Variants in CNTNAP5 observed in about 807,000 individuals in gnomAD.
CNTNAP5 encodes the protein contactin-associated protein-like 5.
In CNTNAP5, 72 loss-of-function variants were observed where a neutral mutation model predicts 150.2. The observed-to-expected ratio is 0.48, with a 90% CI of 0.40 to 0.58. The LOEUF is 0.58. CNTNAP5 is among the 20% of genes least tolerant of loss of function. CNTNAP5 has a pLI of 0.00. For missense variants in CNTNAP5, 1,636 were observed against 1,626.2 expected (o/e 1.01, Z -0.10); for synonymous variants, 672 against 619.8 (o/e 1.08, Z -1.25).
chr2:124,240,327 CT>C (rs1435670843), intron 2 of CNTNAP5, among the ~76,000 whole-genome samples: 3 of 152,138 alleles, frequency 2.0e-5, no homozygotes, highest in Non-Finnish European at 4.4e-5. Context: ...TTGTTGTCAG[CT>C]GCATCCATCA....
At chr2:124,110,714 CCACA>C (rs1367088233) in intron 1 of CNTNAP5, among the ~76,000 whole-genome samples, 1 of 152,180 alleles carries the variant, frequency 6.6e-6, no homozygotes, top group Admixed American at 6.5e-5. Context: ...TTTCCGAGGG[CCACA>C]CAACCTGTTG....
At chr2:124,046,302 C>T (rs2104637316) in intron 1 of CNTNAP5, among the ~76,000 whole-genome samples, 1 of 152,246 alleles carries the variant, frequency 6.6e-6, no homozygotes, top group East Asian at 1.9e-4. Flanking sequence ...AAAGTAGGCA[C>T]ATTGCAAACA....
At chr2:124,573,066 A>T (rs1012772185) in intron 11 of CNTNAP5, among the ~76,000 whole-genome samples, 3 of 152,218 alleles carry the variant, frequency 2.0e-5, no homozygotes, top group African/African-American at 7.2e-5. Context: ...AAATGCTTAA[A>T]GCCACAGAAC....
intron 13 of CNTNAP5, among the ~76,000 whole-genome samples, chr2:124,724,175 A>AATAATAATAATAATG (rs539558593): frequency 3.3e-4 from 50 of 149,658 alleles, no homozygotes; most frequent in African/African-American, 1.2e-3. Flanking sequence ...TAATAATAAT[A>AATAATAATAATAATG]ATGATGATAC....
chr2:124,505,480 TA>T lies in CNTNAP5; in HGVS notation c.1327+927del, dbSNP rs546240812. Among the ~76,000 whole-genome samples, 383 of 152,254 alleles carry T rather than the reference TA, an allele frequency of 2.5e-3. 1 individual carries two copies. The highest frequency in any genetic ancestry group is 8.9e-3 in the African/African-American group (369 of 41,542). ...AATATATATGTATACATATATATTT[TA>T]AATGTATTGAGTAAATGCTAGTACA... On this transcript the variant is annotated intron_variant, in intron 8 of 23. Coordinates refer to ENST00000682447, the MANE Select transcript of CNTNAP5 (RefSeq NM_001367498.1).
At chr2:124,125,106 A>G (rs1683657053) in intron 1 of CNTNAP5, among the ~76,000 whole-genome samples, 1 of 152,224 alleles carries the variant, frequency 6.6e-6, no homozygotes, top group Non-Finnish European at 1.5e-5. Context: ...CAATTAAAAG[A>G]CACAGACTGG....
intron 3 of CNTNAP5, among the ~76,000 whole-genome samples, chr2:124,413,960 T>C (rs1691848927): frequency 6.6e-6 from 1 of 151,830 alleles, no homozygotes; most frequent in Admixed American, 6.6e-5. Flanking sequence ...AGACAAAGTA[T>C]TGAGAGATGG....
At chr2:124,859,268 C>G (rs1573667118) in intron 19 of CNTNAP5, among the ~76,000 whole-genome samples, 1 of 150,980 alleles carries the variant, frequency 6.6e-6, no homozygotes, top group African/African-American at 2.4e-5. Context: ...AGACACTTCT[C>G]AAAAGAAGAC....
intron 3 of CNTNAP5, among the ~76,000 whole-genome samples, chr2:124,294,231 C>A (rs1030737371): frequency 1.2e-5 from 1 of 82,904 alleles, no homozygotes; most frequent in Non-Finnish European, 2.5e-5. Flanking sequence ...TTTCTGCGTA[C>A]TAGACACTCT....
At chr2:124,287,432 C>T (rs1231853433) in intron 3 of CNTNAP5, among the ~76,000 whole-genome samples, 1 of 152,176 alleles carries the variant, frequency 6.6e-6, no homozygotes, top group Admixed American at 6.5e-5. Context: ...TGTCAAGCTT[C>T]GTTAATCTCG....
At chr2:124,652,717 C>A (rs976746851) in intron 13 of CNTNAP5, among the ~76,000 whole-genome samples, 5 of 152,138 alleles carry the variant, frequency 3.3e-5, no homozygotes, top group East Asian at 1.9e-4. Context: ...GCCTCCCTAT[C>A]CCACAATTCT....
intron 14 of CNTNAP5, among the ~76,000 whole-genome samples, chr2:124,758,497 T>A (rs1680888519): frequency 6.6e-6 from 1 of 151,744 alleles, no homozygotes; most frequent in South Asian, 2.1e-4. Flanking sequence ...AAATGTAAAA[T>A]GGTGCAACAA....
At chr2:124,446,074 C>G (rs1183504743) in intron 5 of CNTNAP5, among the ~76,000 whole-genome samples, 2 of 151,928 alleles carry the variant, frequency 1.3e-5, no homozygotes, top group African/African-American at 4.8e-5. Flanking sequence ...CAGTATGACC[C>G]GAGCCATGAT....
chr2:124,863,677 G>A (rs376045951), intron 19 of CNTNAP5, among the ~76,000 whole-genome samples: 2 of 152,004 alleles, frequency 1.3e-5, no homozygotes, highest in South Asian at 2.1e-4. Flanking sequence ...CCCTCTCCCC[G>A]CAAAAGTATT....
At chr2:124,467,522 T>C (rs1436114369) in intron 6 of CNTNAP5, among the ~76,000 whole-genome samples, 2 of 152,172 alleles carry the variant, frequency 1.3e-5, no homozygotes, top group African/African-American at 4.8e-5. Flanking sequence ...TTAATTTTTA[T>C]TTTCAAAGTT....
chr2:124,326,644 G>T (rs1689225253), intron 3 of CNTNAP5, among the ~76,000 whole-genome samples: 1 of 152,094 alleles, frequency 6.6e-6, no homozygotes, highest in Non-Finnish European at 1.5e-5. Context: ...AGCATTATAG[G>T]CCAGGCATGA....
intron 2 of CNTNAP5, among the ~76,000 whole-genome samples, chr2:124,232,755 A>G (rs1686654850): frequency 6.6e-6 from 1 of 152,110 alleles, no homozygotes; most frequent in African/African-American, 2.4e-5. Flanking sequence ...AAGAACTTTT[A>G]TCATTTGTTT....
chr2:124,027,413 G>A (rs114223405), intron 1 of CNTNAP5, among the ~76,000 whole-genome samples: 6,370 of 152,278 alleles, frequency 0.042, 196 homozygotes, highest in Non-Finnish European at 0.064. Flanking sequence ...TGAATACTTT[G>A]AAAAGCCACA....
At chr2:124,219,319 C>A (rs1043020754) in intron 1 of CNTNAP5, among the ~76,000 whole-genome samples, 10 of 152,026 alleles carry the variant, frequency 6.6e-5, no homozygotes, top group African/African-American at 2.4e-4. Context: ...ACACATAAGA[C>A]TATAAAAACC....
Sources: allele counts gnomAD v4.1 joint callset (sites outside exome capture counted in the v4.1 genomes callset), GRCh38; gene constraint gnomAD v4.1.1; transcripts MANE v1.5; gene names NCBI Gene and HGNC (gene_info 2026-07-23, HGNC 2026-07-21).